TMEM117: variants seen among roughly 807,000 people sequenced by gnomAD.
The protein encoded by TMEM117 is transmembrane protein 117.
In TMEM117, 27 loss-of-function variants were observed where a neutral mutation model predicts 52.4. The ratio of observed to expected loss-of-function variants is 0.51; its 90% CI spans 0.38 to 0.71. The LOEUF (loss-of-function observed/expected upper bound fraction) is 0.71. TMEM117 is among the 30% of genes least tolerant of loss of function. TMEM117 has a pLI of 0.00. For missense variants in TMEM117, 556 were observed against 630.5 expected (o/e 0.88, Z 1.26); for synonymous variants, 215 against 206.3 (o/e 1.04, Z -0.36).
chr12:44,183,172 T>A (rs147773168), intron 4 of TMEM117, among the ~76,000 whole-genome samples: 5 of 152,336 alleles, frequency 3.3e-5, no homozygotes, highest in African/African-American at 1.2e-4. Flanking sequence ...ATTTCTAATA[T>A]TTTCCATTCA....
chr12:44,351,536 G>A (rs1228246944), intron 6 of TMEM117, among the ~76,000 whole-genome samples: 1 of 151,874 alleles, frequency 6.6e-6, no homozygotes, highest in Non-Finnish European at 1.5e-5. Context: ...ATTTTTGTAT[G>A]TAGTGAGAGA....
At chr12:44,048,781 A>G (rs1365966981) in intron 3 of TMEM117, among the ~76,000 whole-genome samples, 2 of 152,224 alleles carry the variant, frequency 1.3e-5, no homozygotes, top group Admixed American at 6.5e-5. Context: ...GACTGTGAAT[A>G]TATGTGAGTA....
At chr12:43,836,756 G>A (rs1943037731) in intron 1 of TMEM117, among the ~76,000 whole-genome samples, 1 of 151,966 alleles carries the variant, frequency 6.6e-6, no homozygotes, top group African/African-American at 2.4e-5. Context: ...CCACAAGTGT[G>A]TTCTACCCTC....
chr12:44,047,047 G>A (rs1946891021), intron 3 of TMEM117, among the ~76,000 whole-genome samples: 1 of 152,092 alleles, frequency 6.6e-6, no homozygotes, highest in Admixed American at 6.5e-5. Flanking sequence ...TGATTGGATT[G>A]AGGGATACAA....
At chr12:44,391,460 A>C (rs751012225), downstream of TMEM117, among the ~76,000 whole-genome samples, 1 of 151,978 alleles carries the variant, frequency 6.6e-6, no homozygotes, top group Non-Finnish European at 1.5e-5. Context: ...CCAGGTACAA[A>C]TTTTTTTTAT....
intron 3 of TMEM117, among the ~76,000 whole-genome samples, chr12:44,132,522 C>T (rs948124166): frequency 6.6e-6 from 1 of 152,110 alleles, no homozygotes; most frequent in Non-Finnish European, 1.5e-5. Context: ...AAATCCTGAG[C>T]TTCTCATCCC....
At chr12:44,019,344 A>G (rs117857816) in intron 3 of TMEM117, among the ~76,000 whole-genome samples, 177 of 152,120 alleles carry the variant, frequency 1.2e-3, no homozygotes, top group Non-Finnish European at 1.9e-3. Context: ...CAGGAGACCC[A>G]TTGTAGTTTC....
intron 3 of TMEM117, among the ~76,000 whole-genome samples, chr12:44,086,988 TTAA>T (rs906185172): frequency 3.5e-4 from 52 of 147,606 alleles, no homozygotes; most frequent in Non-Finnish European, 5.2e-4. Flanking sequence ...TAATATATAA[TTAA>T]TAATTATAAA....
intron 3 of TMEM117, among the ~76,000 whole-genome samples, chr12:44,115,684 G>T (rs569243210): frequency 3.2e-4 from 49 of 152,194 alleles, no homozygotes; most frequent in African/African-American, 1.2e-3. Flanking sequence ...ATTCATTATA[G>T]TCATTATAAT....
In TMEM117 at chr12:44,030,433, G is replaced by C. The variant is rs193133120; in HGVS notation, c.410+86091G>C. On this transcript the variant is annotated intron_variant, in intron 3 of 7. Transcript: ENST00000266534. ...TGTCCTAGGATAGGCTCCACACCTA[G>C]TACATAATTAAAATCGCTTACTAAC... is the stretch of plus-strand genomic sequence containing the variant. 5.3e-5 allele frequency among the ~76,000 whole-genome samples: 8 copies of C among 152,272 alleles called. No individual in the cohort carries two copies. The East Asian group carries it at 1.5e-3, about 29-fold the overall frequency.
intron 5 of TMEM117, among the ~76,000 whole-genome samples, chr12:44,299,368 G>A (rs544115859): frequency 6.6e-6 from 1 of 152,134 alleles, no homozygotes; most frequent in East Asian, 1.9e-4. Flanking sequence ...CCTGACCTCA[G>A]GTGATCCACC....
chr12:44,063,087 C>G (rs1947164715), intron 3 of TMEM117, among the ~76,000 whole-genome samples: 3 of 151,992 alleles, frequency 2.0e-5, no homozygotes, highest in Admixed American at 2.0e-4. Flanking sequence ...GAAACAACAC[C>G]CTCCCTCCTC....
In TMEM117 at chr12:44,347,274, A is replaced by T. The variant is rs117635778; in HGVS notation, c.769-29321A>T. 2.1e-3 allele frequency among the ~76,000 whole-genome samples: 323 copies of T among 152,212 alleles called. 8 individuals are homozygous for T. The East Asian group carries it at 0.054, about 26-fold the overall frequency. On this transcript the variant is annotated intron_variant, in intron 6 of 7. Coordinates refer to ENST00000266534, the MANE Select transcript of TMEM117 (RefSeq NM_032256.3). The stretch of plus-strand genomic sequence containing the variant: ...CAAATGCCATGCATTTTTAACCTCT[A>T]CTTAGGGTACATAGATGTAGAAATA...
At chr12:43,886,635 C>CT (rs1295806398) in intron 2 of TMEM117, among the ~76,000 whole-genome samples, 1 of 151,878 alleles carries the variant, frequency 6.6e-6, no homozygotes, top group Non-Finnish European at 1.5e-5. Context: ...TTTTTTTTAA[C>CT]TTTTAAGTTC....
At chr12:44,294,255 A>G (rs1027225072) in intron 5 of TMEM117, among the ~76,000 whole-genome samples, 1 of 152,134 alleles carries the variant, frequency 6.6e-6, no homozygotes, top group African/African-American at 2.4e-5. Flanking sequence ...GACTTTAGTC[A>G]ATTTGATCAT....
chr12:44,170,188 G>A (rs1258400987), intron 4 of TMEM117, among the ~76,000 whole-genome samples: 3 of 150,864 alleles, frequency 2.0e-5, no homozygotes, highest in Non-Finnish European at 4.4e-5. Context: ...GCAAACTATT[G>A]CAAGGACAAA....
chr12:44,098,661 G>T (rs1007896103), intron 3 of TMEM117, among the ~76,000 whole-genome samples: 3 of 152,040 alleles, frequency 2.0e-5, no homozygotes, highest in Non-Finnish European at 2.9e-5. Context: ...AGATTTTTGA[G>T]TCTGAAGGCT....
At chr12:44,205,211 A>G (rs1175061989) in intron 4 of TMEM117, among the ~76,000 whole-genome samples, 1 of 152,210 alleles carries the variant, frequency 6.6e-6, no homozygotes, top group Non-Finnish European at 1.5e-5. Flanking sequence ...ATAATTAATC[A>G]TGGGGGCAGT....
upstream of TMEM117, among the ~76,000 whole-genome samples, chr12:43,831,792 T>C (rs1050459149): frequency 6.6e-6 from 1 of 152,140 alleles, no homozygotes; most frequent in Non-Finnish European, 1.5e-5. Context: ...TCTGCCCACC[T>C]CAGCTTTTTC....
Sources: gnomAD v4.1 joint callset for allele counts (sites outside exome capture counted in the v4.1 genomes callset) on GRCh38, gnomAD v4.1.1 for gene constraint, MANE v1.5 for transcripts, NCBI Gene and HGNC (gene_info 2026-07-23, HGNC 2026-07-21) for gene names.